TEX11: variants seen among roughly 807,000 people sequenced by gnomAD.
TEX11 encodes testis-expressed protein 11.
Under a neutral mutation model 84.4 loss-of-function variants are expected in TEX11, and 7 were observed. The observed-to-expected ratio is 0.08, with a 90% CI of 0.05 to 0.16. TEX11 has a LOEUF of 0.16. Among genes scored for constraint, TEX11 ranks in the 10% least tolerant of loss-of-function variants. TEX11 has a pLI of 1.00. For synonymous variants in TEX11, 264 were observed against 222.8 expected (o/e 1.18, Z -1.64); for missense variants, 551 against 660.5 (o/e 0.83, Z 1.82).
rs191293954 is a variant in TEX11 at position 70,830,453 on chromosome X, T to C, written c.606+3060A>G. Among the ~76,000 whole-genome samples, 496 of 111,280 alleles carry C rather than the reference T, an allele frequency of 4.5e-3. 3 individuals are homozygous for C. The highest frequency in any genetic ancestry group is 0.03 in the South Asian group (78 of 2,626). ...CCCCCACAGGTGACAAAAGCAAAAA[T>C]AGGCAAATGAGATTGCACCAAACCA... On this transcript the variant is annotated intron_variant, in intron 8 of 29. Coordinates refer to ENST00000374333, the MANE Select transcript of TEX11 (RefSeq NM_031276.3).
rs1390933448 is a variant in TEX11, at chrX:70,647,775, G to A, written c.1483+3675C>T. 7.2e-5 allele frequency among the ~76,000 whole-genome samples: 8 copies of A among 111,501 alleles called. No homozygotes were observed. In the Admixed American group the frequency reaches 7.6e-4, roughly 11 times the overall value. On this transcript the variant is annotated intron_variant, in intron 17 of 29. Transcript: ENST00000374333. ...TTTAAAACACCATGTTGTTGCTGGA[G>A]AGGATGTGGAGAAACAGGAACACTT...
At chrX:70,620,741 C>T (rs150512147) in intron 20 of TEX11, among the ~76,000 whole-genome samples, 1,523 of 112,194 alleles carry the variant, frequency 0.014, 9 homozygotes, top group Middle Eastern at 0.023. Flanking sequence ...AAATGTGATA[C>T]GTTCATACAA....
intron 9 of TEX11, among the ~76,000 whole-genome samples, chrX:70,745,628 G>A (rs6625668): frequency 0.076 from 8,451 of 111,334 alleles, 280 homozygotes; most frequent in African/African-American, 0.13. Flanking sequence ...CAGCTACTTG[G>A]GAGACTGAGG....
chrX:70,732,962 A>C (rs921755820), intron 11 of TEX11, among the ~76,000 whole-genome samples: 4 of 111,777 alleles, frequency 3.6e-5, no homozygotes, highest in South Asian at 7.4e-4. Flanking sequence ...AGATACAGAC[A>C]AATGGAACAG....
At chrX:70,687,026 T>C (rs1444096564) in intron 13 of TEX11, among the ~76,000 whole-genome samples, 2 of 111,827 alleles carry the variant, frequency 1.8e-5, no homozygotes, top group African/African-American at 6.5e-5. Context: ...AGTATTTCCT[T>C]AACTCTCTGC....
At chrX:70,530,928 T>C (rs1308840041) in intron 28 of TEX11, among the ~76,000 whole-genome samples, 1 of 111,309 alleles carries the variant, frequency 9.0e-6, no homozygotes, top group Non-Finnish European at 1.9e-5. Context: ...GGTGCTCTCA[T>C]TCAGTTAAAG....
At chrX:70,694,767 G>A (rs992082288) in intron 13 of TEX11, among the ~76,000 whole-genome samples, 1 of 111,887 alleles carries the variant, frequency 8.9e-6, no homozygotes, top group African/African-American at 3.2e-5. Context: ...GTATGATAGC[G>A]TGGCCCTGAC....
the TEX11 span, among the ~76,000 whole-genome samples, chrX:70,514,593 TA>T: frequency 6.9e-3 from 613 of 88,243 alleles, 10 homozygotes; most frequent in East Asian, 0.075. Flanking sequence ...AGACTCCATC[TA>T]AAAAAAAAAA....
downstream of TEX11, among the ~76,000 whole-genome samples, chrX:70,524,516 G>A (rs1041652448): frequency 1.8e-5 from 2 of 112,578 alleles, no homozygotes; most frequent in African/African-American, 3.2e-5. Context: ...AGATTAGCTG[G>A]CAAGAGCAAT....
chrX:70,829,481 C>CAAAAA (rs60664977), intron 8 of TEX11, among the ~76,000 whole-genome samples: 1 of 72,881 alleles, frequency 1.4e-5, no homozygotes, highest in Non-Finnish European at 2.4e-5. Flanking sequence ...CATTCCGTCT[C>CAAAAA]AAAAAAAAAA....
At chrX:70,849,189 G>A (rs557833060) in intron 7 of TEX11, among the ~76,000 whole-genome samples, 1 of 111,832 alleles carries the variant, frequency 8.9e-6, no homozygotes, top group South Asian at 3.8e-4. Context: ...CATTCATTTG[G>A]CACTTAATAT....
At chrX:70,605,561 G>A (rs202124543) in intron 23 of TEX11, 44 bp from the exon 24 acceptor site, 125 of 914,741 alleles carry the variant, frequency 1.4e-4, no homozygotes, top group Non-Finnish European at 1.7e-4. Flanking sequence ...TGAGAATTCT[G>A]CCAGGTGAAC....
chrX:70,645,410 C>G (rs1425483251), intron 17 of TEX11, among the ~76,000 whole-genome samples: 3 of 111,417 alleles, frequency 2.7e-5, no homozygotes, highest in African/African-American at 9.8e-5. Context: ...CCCACTCTCA[C>G]TACTTCTATT....
downstream of TEX11, among the ~76,000 whole-genome samples, chrX:70,527,812 G>T (rs1270725979): frequency 8.9e-6 from 1 of 112,153 alleles, no homozygotes; most frequent in Non-Finnish European, 1.9e-5. Context: ...GAAAGAAACT[G>T]AGAGAGTGAC....
At position 70,601,985 on chromosome X, in the gene TEX11, C is replaced by T. The variant is rs1454569475; in HGVS notation, c.2067+3416G>A. Among the ~76,000 whole-genome samples, 5 of 111,262 alleles carry T rather than the reference C, an allele frequency of 4.5e-5. No individual in the cohort carries two copies. The East Asian group carries it at 1.2e-3, about 26-fold the overall frequency. On this transcript the variant is annotated intron_variant, in intron 24 of 29. Coordinates refer to ENST00000374333, the MANE Select transcript of TEX11 (RefSeq NM_031276.3). ...TCCGATTTCTCAATTTTTTCCCCAC[C>T]CTTCCCGCCTTTCTATTCCACAAAA...
At chrX:70,852,471 C>T (rs1326701587) in intron 7 of TEX11, among the ~76,000 whole-genome samples, 2 of 111,993 alleles carry the variant, frequency 1.8e-5, no homozygotes, top group Non-Finnish European at 3.8e-5. Flanking sequence ...ATTACAGGCA[C>T]GAGCCACCAT....
intron 16 of TEX11, among the ~76,000 whole-genome samples, chrX:70,652,053 C>T (rs1010496151): frequency 1.8e-5 from 2 of 111,093 alleles, no homozygotes; most frequent in Non-Finnish European, 3.8e-5. Flanking sequence ...CAAAAGTAAA[C>T]CCACTCCTAC....
intron 2 of TEX11, among the ~76,000 whole-genome samples, chrX:70,884,064 A>G (rs2091696265): frequency 8.9e-6 from 1 of 112,252 alleles, no homozygotes; most frequent in African/African-American, 3.2e-5. Flanking sequence ...AGAACCAGAA[A>G]TGACAATAAA....
At chrX:70,526,907 G>A (rs2087828486), downstream of TEX11, among the ~76,000 whole-genome samples, 1 of 111,717 alleles carries the variant, frequency 9.0e-6, no homozygotes, top group Non-Finnish European at 1.9e-5. Context: ...GAATGATGGG[G>A]ACATGTCAAA....
Sources: allele counts gnomAD v4.1 joint callset (sites outside exome capture counted in the v4.1 genomes callset), GRCh38; gene constraint gnomAD v4.1.1; transcripts MANE v1.5; gene names NCBI Gene and HGNC (gene_info 2026-07-23, HGNC 2026-07-21).